Variants in TP53BP2 observed in about 807,000 individuals in gnomAD.
TP53BP2 encodes the protein apoptosis-stimulating of p53 protein 2.
TP53BP2 carries 62 observed loss-of-function variants against 126.2 expected under a neutral mutation model. The ratio of observed to expected loss-of-function variants is 0.49; its 90% CI spans 0.40 to 0.61. TP53BP2 has a LOEUF of 0.61. Ranked by LOEUF, TP53BP2 falls within the 20% of genes least tolerant of loss-of-function variation. The pLI is 0.00. For missense variants in TP53BP2, 1,215 were observed against 1,402.8 expected (o/e 0.87, Z 2.14); for synonymous variants, 485 against 502.9 (o/e 0.96, Z 0.48).
intron 7 of TP53BP2, 101 bp from the exon 8 acceptor site, chr1:223,802,996 G>A: frequency 1.5e-6 from 2 of 1,313,634 alleles, no homozygotes; most frequent in Non-Finnish European, 2.1e-6. Flanking sequence ...CTAAAAATAT[G>A]AGGTCCCTCC....
At chr1:223,820,476 CCTT>C (rs1663261655) in intron 2 of TP53BP2, among the ~76,000 whole-genome samples, 1 of 152,122 alleles carries the variant, frequency 6.6e-6, no homozygotes, top group Admixed American at 6.6e-5. Flanking sequence ...CTGCAGAAGA[CCTT>C]CTAGAACATC....
In TP53BP2 at chr1:223,796,356, C is replaced by T; in HGVS notation, c.2183G>A (p.Arg728Gln). 6.2e-7 allele frequency: 1 copy of T among 1,614,142 alleles called. No individual in the cohort carries two copies. Among genetic ancestry groups the T allele is most frequent in the East Asian group, 2.2e-5 (1 of 44,890 alleles). The change falls in exon 13 of 18, where the codon CGA becomes CAA. Residue 728 changes from arginine to glutamine, a missense_variant. By Grantham distance (43) the Arg-to-Gln change is conservative. This residue lies in a region of TP53BP2 where 46 missense variants were observed against 93.0 expected (regional missense o/e 0.49). Transcript: ENST00000343537. The surrounding 1 kb of genome is among the most constrained non-coding windows in gnomAD (Gnocchi z 4.2). ...CCTTGGTGCGTTAGACAGTTTCTTT[C>T]GTAAGGCTTCTAGGTCAGCATCACT... ...NQSDADLEAL[R>Q]KKLSNAPRPL...
chr1:223,829,863 GA>G (rs1300370313), intron 1 of TP53BP2, among the ~76,000 whole-genome samples: 2 of 151,940 alleles, frequency 1.3e-5, no homozygotes, highest in Admixed American at 6.6e-5. Flanking sequence ...TCCCCAGGTA[GA>G]AAAAGTGCAT....
chr1:223,807,663 G>A (rs890490507), intron 4 of TP53BP2, among the ~76,000 whole-genome samples: 17 of 150,056 alleles, frequency 1.1e-4, no homozygotes, highest in East Asian at 1.9e-4. Flanking sequence ...CAATATATTA[G>A]AAACAATTAG....
At position 223,806,881 on chromosome 1, in the gene TP53BP2, G is replaced by A. The variant is rs760246026; in HGVS notation, c.439C>T (p.Gln147Ter). 1 of 1,613,918 alleles carries A rather than the reference G, an allele frequency of 6.2e-7. No homozygotes were observed. The highest frequency in any genetic ancestry group is 2.2e-5 in the East Asian group (1 of 44,860). ...LQEMASRQQQQIEAQQQLLAT... is the reference protein window; with the variant it reads ...LQEMASRQQQ The stretch of plus-strand genomic sequence containing the variant: ...AGCAATTGTTGCTGGGCTTCAATCT[G>A]TTGCTGCTGGCGAGATGCCATTTCC... The change falls in exon 5 of 18, where the codon CAG (glutamine) becomes TAG (stop). Residue 147 changes from glutamine (Q) to a stop codon, truncating the protein, a stop_gained. Coordinates refer to ENST00000343537, the MANE Select transcript of TP53BP2 (RefSeq NM_001031685.3). LOFTEE classifies it high-confidence loss of function.
At chr1:223,801,895 C>A in intron 9 of TP53BP2, 1 of 358,982 alleles carries the variant, frequency 2.8e-6, no homozygotes. Context: ...ATTTCATTTC[C>A]TGAATAGAAT....
intron 4 of TP53BP2, among the ~76,000 whole-genome samples, chr1:223,807,668 A>G (rs1309504096): frequency 6.6e-6 from 1 of 152,136 alleles, no homozygotes; most frequent in Non-Finnish European, 1.5e-5. Context: ...TATTAGAAAC[A>G]ATTAGAAATT....
At chr1:223,812,294 C>T (rs1199916900) in intron 3 of TP53BP2, among the ~76,000 whole-genome samples, 1 of 152,142 alleles carries the variant, frequency 6.6e-6, no homozygotes, top group Non-Finnish European at 1.5e-5. Flanking sequence ...CAATTCTGCC[C>T]CTCAGCTAAC....
intron 15 of TP53BP2, among the ~76,000 whole-genome samples, chr1:223,789,795 G>A (rs1376600014): frequency 6.6e-6 from 1 of 152,118 alleles, no homozygotes; most frequent in Non-Finnish European, 1.5e-5. Flanking sequence ...TACCATTAAA[G>A]AGAACTCCAG....
chr1:223,843,181 C>CTT (rs58598832), intron 1 of TP53BP2, among the ~76,000 whole-genome samples: 16 of 146,368 alleles, frequency 1.1e-4, no homozygotes, highest in Non-Finnish European at 1.7e-4. Flanking sequence ...TTTATTTGCA[C>CTT]TTTTTTTTTT....
chr1:223,798,250 G>A lies in TP53BP2; in HGVS notation c.1913C>T (p.Thr638Ile). ...GTGTGGCCCTCTGGTATGAGTCTTG[G>A]TCAACGCGCTCTGCACAGCCTGCTG... The part of the protein sequence containing the change: ...NFQQAVQSAL[T>I]KTHTRGPHFS... Residue 638 changes from threonine to isoleucine, a missense_variant, in exon 12 of 18, where the codon ACC becomes ATC. Transcript: ENST00000343537. The A allele has an allele frequency of 6.2e-7, 1 of 1,614,128 alleles. No homozygotes were observed. Among genetic ancestry groups the A allele is most frequent in the Non-Finnish European group, 8.5e-7 (1 of 1,180,024 alleles).
chr1:223,802,328 T>C lies in TP53BP2; in HGVS notation c.1013A>G (p.Asn338Ser). The C allele has an allele frequency of 6.2e-7, 1 of 1,614,108 alleles. No homozygotes were observed. Among genetic ancestry groups the C allele is most frequent in the Non-Finnish European group, 8.5e-7 (1 of 1,180,010 alleles). Residue 338 changes from asparagine (N) to serine (S), a missense_variant, in exon 9 of 18, where the codon AAT (asparagine) becomes AGT (serine). Physicochemically the swap from Asn to Ser is conservative, Grantham distance 46. Around this residue, in one of 4 missense-constraint regions of TP53BP2, gnomAD observed 814 missense variants for 853.0 expected, o/e 0.95. Coordinates refer to ENST00000343537, the MANE Select transcript of TP53BP2 (RefSeq NM_001031685.3). ...GGCTGACGCGGCTTGCTGGGGAAGA[T>C]TTCCATCAGATGAAACCTTAGGAAA... The part of the protein sequence containing the change: ...KENLPVSSDG[N>S]LPQQAASAPS...
At chr1:223,783,318 G>A (rs778138168) in intron 17 of TP53BP2, among the ~76,000 whole-genome samples, 5 of 152,210 alleles carry the variant, frequency 3.3e-5, no homozygotes, top group Non-Finnish European at 7.3e-5. Flanking sequence ...CTGAAGCAAC[G>A]TAGAGGCCAG....
chr1:223,796,999 G>A lies in TP53BP2; in HGVS notation c.1949-409C>T, dbSNP rs987837620. Among the ~76,000 whole-genome samples the A allele has an allele frequency of 6.6e-5, 10 of 152,146 alleles. No individual in the cohort carries two copies. The highest frequency in any genetic ancestry group is 2.4e-4 in the African/African-American group (10 of 41,424). Reference sequence around the variant, plus strand: ...TCACTTTTCAAAAGTGAATCAACGTGAGAACTTCTATTTGGCTTATAAAAT... The same window carrying A: ...TCACTTTTCAAAAGTGAATCAACGTAAGAACTTCTATTTGGCTTATAAAAT... On this transcript the variant is annotated intron_variant, in intron 12 of 17. Transcript: ENST00000343537. This position sits in a 1 kb window ranked among gnomAD's most constrained non-coding sequence, Gnocchi z 4.2.
intron 3 of TP53BP2, among the ~76,000 whole-genome samples, chr1:223,812,527 C>T (rs573931599): frequency 2.6e-5 from 4 of 152,070 alleles, no homozygotes; most frequent in Admixed American, 6.5e-5. Context: ...GGATTACAGA[C>T]GCCCAGCTAA....
At position 223,802,297 on chromosome 1, in the gene TP53BP2, G is replaced by A; in HGVS notation, c.1044C>T (p.Ser348=). Residue 348 remains serine, a synonymous_variant, in exon 9 of 18, where the codon AGC becomes AGT. Transcript: ENST00000343537. ...NLPQQAASAP[S]RVAAVGPYIQ... Reference sequence around the variant, plus strand: ...TATAGGGACCTACTGCAGCCACACGGCTTGGGGCTGACGCGGCTTGCTGGG... The same window carrying A: ...TATAGGGACCTACTGCAGCCACACGACTTGGGGCTGACGCGGCTTGCTGGG... The A allele has an allele frequency of 6.2e-7, 1 of 1,614,228 alleles. No homozygotes were observed. The highest frequency in any genetic ancestry group is 8.5e-7 in the Non-Finnish European group (1 of 1,180,036).
chr1:223,800,018 T>C lies in TP53BP2; in HGVS notation c.1366A>G (p.Lys456Glu). 6.2e-7 allele frequency: 1 copy of C among 1,611,642 alleles called. No homozygotes were observed. Among genetic ancestry groups the C allele is most frequent in the Non-Finnish European group, 8.5e-7 (1 of 1,179,172 alleles). ...VDDGEVPLRE[K>E]EKKVRPFSMF... Reference sequence around the variant, plus strand: ...GAGAACGGACGCACTTTCTTCTCTTTCTCCCTCAGCGGAACCTCTCCATCA... The same window carrying C: ...GAGAACGGACGCACTTTCTTCTCTTCCTCCCTCAGCGGAACCTCTCCATCA... Residue 456 changes from lysine to glutamate, a missense_variant, in exon 11 of 18, where the codon AAA becomes GAA. Physicochemically the swap from Lys to Glu is moderately conservative, Grantham distance 56. Transcript: ENST00000343537.
chr1:223,829,978 A>G (rs1663640784), intron 1 of TP53BP2, among the ~76,000 whole-genome samples: 2 of 152,206 alleles, frequency 1.3e-5, no homozygotes, highest in South Asian at 4.1e-4. Flanking sequence ...CACAAAGAGA[A>G]GACATTCATC....
rs183821063 is a variant in TP53BP2 at position 223,780,100 on chromosome 1, G to C, written c.*753C>G. 6.6e-6 allele frequency: 1 copy of C among 152,124 alleles called. No homozygotes were observed. The highest frequency in any genetic ancestry group is 2.4e-5 in the African/African-American group (1 of 41,410). 9.4% of individuals were successfully genotyped at this position (152,124 alleles called of 1,614,324 possible). On this transcript the variant is annotated 3_prime_UTR_variant, in exon 18 of 18. Coordinates refer to ENST00000343537, the MANE Select transcript of TP53BP2 (RefSeq NM_001031685.3). ...ACCAGTAAACAGCTAGCATCAAAAA[G>C]TTTATTACAACTGTTTTTAAAGTCA...
Sources: gnomAD v4.1 joint callset for allele counts (sites outside exome capture counted in the v4.1 genomes callset) on GRCh38, gnomAD v4.1.1 for gene constraint, gnomAD v4.1.1 regional missense constraint, Gnocchi (gnomAD v3.1) non-coding constraint, MANE v1.5 for transcripts, NCBI Gene and HGNC (gene_info 2026-07-23, HGNC 2026-07-21) for gene names.